C13orf42: variants seen among roughly 807,000 people sequenced by gnomAD.
C13orf42 encodes uncharacterized protein C13orf42.
At chr13:51,100,253 T>C (rs949773777) in intron 1 of C13orf42, among the ~76,000 whole-genome samples, 3 of 152,126 alleles carry the variant, frequency 2.0e-5, no homozygotes, top group Non-Finnish European at 4.4e-5. Flanking sequence ...AAGGACTTTC[T>C]AAGCATGAAA....
intron 1 of C13orf42, among the ~76,000 whole-genome samples, chr13:51,158,284 C>T (rs1426298957): frequency 6.6e-6 from 1 of 152,230 alleles, no homozygotes; most frequent in Non-Finnish European, 1.5e-5. Context: ...GAACAGAACT[C>T]TGGCTTTGAC....
At chr13:51,093,753 A>G (rs1371210524) in intron 1 of C13orf42, among the ~76,000 whole-genome samples, 4 of 152,140 alleles carry the variant, frequency 2.6e-5, no homozygotes, top group African/African-American at 9.7e-5. Flanking sequence ...GTCTAGATTC[A>G]TTATTTTACT....
chr13:51,172,165 G>A (rs1244085449), intron 1 of C13orf42: 4 of 152,158 alleles, frequency 2.6e-5, no homozygotes, highest in Admixed American at 2.0e-4. Flanking sequence ...CTGGCCACTG[G>A]GCCAAGGAAT....
intron 1 of C13orf42, among the ~76,000 whole-genome samples, chr13:51,135,234 G>A (rs1953648426): frequency 6.6e-6 from 1 of 152,214 alleles, no homozygotes; most frequent in East Asian, 1.9e-4. Context: ...AACTGAGGCT[G>A]AGTAGAGCAG....
intron 1 of C13orf42, among the ~76,000 whole-genome samples, chr13:51,135,631 C>G (rs1381083648): frequency 6.7e-6 from 1 of 149,486 alleles, no homozygotes; most frequent in African/African-American, 2.5e-5. Flanking sequence ...CCAGCCTGGG[C>G]AACAGAGCAA....
intron 1 of C13orf42, among the ~76,000 whole-genome samples, chr13:51,165,640 G>T (rs919977440): frequency 2.6e-5 from 4 of 152,188 alleles, no homozygotes; most frequent in Non-Finnish European, 5.9e-5. Flanking sequence ...AGTGTTGATG[G>T]TGTAGATAGG....
intron 1 of C13orf42, among the ~76,000 whole-genome samples, chr13:51,100,071 G>C (rs1953271858): frequency 6.6e-6 from 1 of 151,974 alleles, no homozygotes; most frequent in African/African-American, 2.4e-5. Flanking sequence ...TCAATAAATA[G>C]TGTTGGAAAA....
At chr13:51,148,834 G>A (rs1414567547) in intron 1 of C13orf42, among the ~76,000 whole-genome samples, 2 of 152,196 alleles carry the variant, frequency 1.3e-5, no homozygotes, top group Non-Finnish European at 2.9e-5. Context: ...TGACCGTTTG[G>A]GCTTGCTGCT....
intron 1 of C13orf42, among the ~76,000 whole-genome samples, chr13:51,168,441 T>G (rs753029872): frequency 6.6e-6 from 1 of 152,242 alleles, no homozygotes; most frequent in Non-Finnish European, 1.5e-5. Context: ...GGCGTTGTCA[T>G]GCAGCAAAGT....
chr13:51,104,508 GA>G (rs1200088885), intron 1 of C13orf42, among the ~76,000 whole-genome samples: 1 of 152,150 alleles, frequency 6.6e-6, no homozygotes, highest in Non-Finnish European at 1.5e-5. Context: ...AATTTCTTAA[GA>G]ATTTGTTAAC....
chr13:51,126,457 T>C (rs1953578139), intron 1 of C13orf42, among the ~76,000 whole-genome samples: 1 of 152,218 alleles, frequency 6.6e-6, no homozygotes, highest in South Asian at 2.1e-4. Context: ...GGAGGGCATA[T>C]TAAAATTATT....
At chr13:51,172,265 C>A (rs912278157) in exon 1 of C13orf42, 1 of 152,108 alleles carries the variant, frequency 6.6e-6, no homozygotes, top group African/African-American at 2.4e-5. Context: ...GGCAGCCACT[C>A]CCAGAGCCCC....
chr13:51,171,806 C>T (rs1192090925), intron 1 of C13orf42, among the ~76,000 whole-genome samples: 2 of 152,116 alleles, frequency 1.3e-5, no homozygotes, highest in African/African-American at 2.4e-5. Flanking sequence ...AAAATCCAGC[C>T]CAGTTCATGG....
chr13:51,140,066 G>C (rs537417874), intron 1 of C13orf42, among the ~76,000 whole-genome samples: 76 of 152,284 alleles, frequency 5.0e-4, no homozygotes, highest in African/African-American at 1.7e-3. Flanking sequence ...GGGCAAACTT[G>C]CCTCCCATTC....
intron 1 of C13orf42, chr13:51,161,781 A>T (rs570174785): frequency 3.3e-6 from 1 of 305,466 alleles, no homozygotes; most frequent in African/African-American, 2.2e-5. Flanking sequence ...AAGCTCCTTG[A>T]TTTCAGAACC....
At chr13:51,125,460 C>T (rs1181319910) in intron 1 of C13orf42, among the ~76,000 whole-genome samples, 1 of 152,286 alleles carries the variant, frequency 6.6e-6, no homozygotes, top group South Asian at 2.1e-4. Flanking sequence ...CACTTTTAAA[C>T]TCCCTTTGAG....
At chr13:51,139,170 CT>C (rs1413224494) in intron 1 of C13orf42, among the ~76,000 whole-genome samples, 1 of 151,994 alleles carries the variant, frequency 6.6e-6, no homozygotes, top group East Asian at 1.9e-4. Flanking sequence ...CACAAATTAG[CT>C]GGGCATGGTG....
intron 1 of C13orf42, among the ~76,000 whole-genome samples, chr13:51,166,702 G>T (rs967891988): frequency 3.9e-5 from 6 of 151,928 alleles, no homozygotes; most frequent in African/African-American, 1.2e-4. Flanking sequence ...CAATCTCAAG[G>T]TTGTCTAAAA....
chr13:51,170,303 G>A (rs961929738), intron 1 of C13orf42, among the ~76,000 whole-genome samples: 3 of 152,192 alleles, frequency 2.0e-5, no homozygotes, highest in Non-Finnish European at 2.9e-5. Flanking sequence ...CTCTTCACAC[G>A]GACGCGCATG....
Sources: gnomAD v4.1 joint callset for allele counts (sites outside exome capture counted in the v4.1 genomes callset) on GRCh38, gnomAD v4.1.1 for gene constraint, MANE v1.5 for transcripts, NCBI Gene and HGNC (gene_info 2026-07-23, HGNC 2026-07-21) for gene names.